PTPN4: variants seen among roughly 807,000 people sequenced by gnomAD.
PTPN4 encodes the protein tyrosine-protein phosphatase non-receptor type 4.
PTPN4 carries 49 observed loss-of-function variants against 135.5 expected under a neutral mutation model. The observed-to-expected ratio is 0.36, with a 90% CI of 0.29 to 0.46. The LOEUF (loss-of-function observed/expected upper bound fraction) is 0.46. PTPN4 is among the 20% of genes least tolerant of loss of function. The pLI is 1.00. For synonymous variants in PTPN4, 333 were observed against 369.9 expected, an observed-to-expected ratio of 0.90 and a Z score of 1.14; for missense variants, 860 against 1,101.0, an observed-to-expected ratio of 0.78 and a Z score of 3.10.
Position 119,977,144 on chromosome 2 carries a change from C to A in PTPN4, c.*74C>A. On this transcript the variant is annotated 3_prime_UTR_variant, in exon 27 of 27. Coordinates refer to ENST00000263708, the MANE Select transcript of PTPN4 (RefSeq NM_002830.4). ...GTTCACTGTGCCATAATGCTGCTCGCAGGAAATGGCATTTTACAAAAAAAA... is the reference window on the plus strand; with the variant it reads ...GTTCACTGTGCCATAATGCTGCTCGAAGGAAATGGCATTTTACAAAAAAAA... 4 of 1,394,632 alleles carry A rather than the reference C, an allele frequency of 2.9e-6. No individual in the cohort carries two copies. The highest frequency in any genetic ancestry group is 3.7e-5 in the South Asian group (2 of 53,696). The allele number at this position is 1,394,632 out of a possible 1,614,324, so 86.4% of individuals were successfully genotyped here. A position where few individuals can be genotyped will look rare whatever the true frequency, so the allele number is the denominator to read the frequency against.
At chr2:119,795,686 T>A (rs926623459) in intron 1 of PTPN4, among the ~76,000 whole-genome samples, 2 of 152,244 alleles carry the variant, frequency 1.3e-5, no homozygotes, top group African/African-American at 4.8e-5. Context: ...CAGAGATGCC[T>A]GGGTCCACAA....
intron 2 of PTPN4, among the ~76,000 whole-genome samples, chr2:119,820,054 T>G (rs959002484): frequency 6.6e-6 from 1 of 152,108 alleles, no homozygotes; most frequent in Non-Finnish European, 1.5e-5. Flanking sequence ...AGAGACGAAG[T>G]CTCACTATGT....
intron 26 of PTPN4, 81 bp downstream of exon 26, chr2:119,968,053 T>C: frequency 8.9e-7 from 1 of 1,127,520 alleles, no homozygotes; most frequent in Middle Eastern, 2.2e-4. Context: ...AATCATATTT[T>C]TATCCTTTTT....
chr2:119,805,371 T>C (rs1027284917), intron 1 of PTPN4, among the ~76,000 whole-genome samples: 3 of 152,248 alleles, frequency 2.0e-5, no homozygotes, highest in Non-Finnish European at 2.9e-5. Context: ...TGCCCATGCC[T>C]ATGTCCTGAA....
At chr2:119,927,312 T>C (rs534444332) in intron 13 of PTPN4, among the ~76,000 whole-genome samples, 1 of 151,738 alleles carries the variant, frequency 6.6e-6, no homozygotes, top group East Asian at 1.9e-4. Context: ...GGGTTTACCA[T>C]GTCAGCCAGG....
intron 2 of PTPN4, among the ~76,000 whole-genome samples, chr2:119,842,832 T>A (rs1338170651): frequency 1.3e-5 from 2 of 152,144 alleles, no homozygotes; most frequent in Non-Finnish European, 2.9e-5. Flanking sequence ...CTTTTATAGC[T>A]ATCACCAGTT....
chr2:119,956,853 C>G lies in PTPN4; in HGVS notation c.1990C>G (p.Arg664Gly). 1 of 1,547,572 alleles carries G rather than the reference C, an allele frequency of 6.5e-7. No homozygotes were observed. Among genetic ancestry groups the G allele is most frequent in the Non-Finnish European group, 8.6e-7 (1 of 1,156,926 alleles). ...TVLTQFDQLY[R>G]KKPGMTMSCA... ...TTTTTTTTTTTTTTAGCAACTGTAT[C>G]GGAAAAAACCTGGAATGACAATGTC... is the stretch of plus-strand genomic sequence containing the variant. Residue 664 changes from arginine to glycine, a missense_variant, in exon 21 of 27, where the codon CGG becomes GGG. Arg to Gly is a moderately radical substitution (Grantham distance 125, BLOSUM62 -2). Transcript: ENST00000263708.
chr2:119,871,428 A>G (rs1574380146), intron 3 of PTPN4, among the ~76,000 whole-genome samples: 1 of 152,202 alleles, frequency 6.6e-6, no homozygotes, highest in South Asian at 2.1e-4. Context: ...TCTGCTGGGC[A>G]TGGTGGTGCA....
intron 1 of PTPN4, among the ~76,000 whole-genome samples, chr2:119,764,953 T>C (rs1690582153): frequency 6.6e-6 from 1 of 152,116 alleles, no homozygotes; most frequent in Non-Finnish European, 1.5e-5. Context: ...GGCTGTGCAA[T>C]GTAGGGGAAA....
chr2:119,881,989 T>A, intron 6 of PTPN4, 108 bp from the exon 7 acceptor site: 1 of 1,182,524 alleles, frequency 8.5e-7, no homozygotes. Flanking sequence ...TCTTAACAGT[T>A]AAAATCAAAT....
intron 2 of PTPN4, among the ~76,000 whole-genome samples, chr2:119,861,675 A>C (rs928345292): frequency 6.6e-6 from 1 of 152,150 alleles, no homozygotes; most frequent in Non-Finnish European, 1.5e-5. Flanking sequence ...TGCCCATGGC[A>C]TGTCATTATA....
intron 1 of PTPN4, among the ~76,000 whole-genome samples, chr2:119,797,692 A>G (rs1031227279): frequency 1.6e-4 from 25 of 152,148 alleles, no homozygotes; most frequent in African/African-American, 5.6e-4. Context: ...ATCTCTATTT[A>G]TGGCAATAGA....
At chr2:119,772,145 A>T (rs1690746988) in intron 1 of PTPN4, among the ~76,000 whole-genome samples, 1 of 152,254 alleles carries the variant, frequency 6.6e-6, no homozygotes, top group Non-Finnish European at 1.5e-5. Context: ...AAATAAGGGA[A>T]ATCTTTCTAA....
chr2:119,907,894 T>G (rs758601310), intron 10 of PTPN4, among the ~76,000 whole-genome samples: 2 of 152,114 alleles, frequency 1.3e-5, no homozygotes, highest in Non-Finnish European at 1.5e-5. Flanking sequence ...GAAAACTGGG[T>G]ATCTATTGCA....
At chr2:119,931,433 CTT>C (rs1158907026) in intron 13 of PTPN4, among the ~76,000 whole-genome samples, 1,339 of 83,212 alleles carry the variant, frequency 0.016, 5 homozygotes, top group African/African-American at 0.062. Context: ...TTCTTTCTTT[CTT>C]TTTTTTTTTT....
At chr2:119,908,008 T>C (rs928388366) in intron 10 of PTPN4, among the ~76,000 whole-genome samples, 2 of 152,148 alleles carry the variant, frequency 1.3e-5, no homozygotes. Context: ...TAAATGAACA[T>C]AGAGGAAATG....
intron 1 of PTPN4, among the ~76,000 whole-genome samples, chr2:119,799,002 G>A (rs1444888967): frequency 1.3e-5 from 2 of 152,218 alleles, no homozygotes; most frequent in African/African-American, 4.8e-5. Flanking sequence ...GCTACTCCTC[G>A]GCTTCTCTCT....
At chr2:119,928,159 T>C (rs999105672) in intron 13 of PTPN4, among the ~76,000 whole-genome samples, 1 of 152,220 alleles carries the variant, frequency 6.6e-6, no homozygotes, top group African/African-American at 2.4e-5. Flanking sequence ...ATCTAGCATA[T>C]CGTGCACATT....
chr2:119,949,583 A>G (rs931481643), intron 18 of PTPN4, among the ~76,000 whole-genome samples: 2 of 152,158 alleles, frequency 1.3e-5, no homozygotes. Context: ...GCTCATGCCT[A>G]TAATCTTAGC....
Sources: allele counts gnomAD v4.1 joint callset (sites outside exome capture counted in the v4.1 genomes callset), GRCh38; gene constraint gnomAD v4.1.1; transcripts MANE v1.5; gene names NCBI Gene and HGNC (gene_info 2026-07-23, HGNC 2026-07-21).